Variants in PTCHD4 observed in about 807,000 individuals in gnomAD.
The protein encoded by PTCHD4 is patched domain containing 4.
PTCHD4 carries 33 observed loss-of-function variants against 58.1 expected under a neutral mutation model. The ratio of observed to expected loss-of-function variants is 0.57; its 90% confidence interval spans 0.43 to 0.76. The LOEUF is 0.76. Among genes scored for constraint, PTCHD4 ranks in the 30% least tolerant of loss-of-function variants. The probability of loss-of-function intolerance (pLI) is 0.00; values close to 1 mark genes in which losing one functional copy is unlikely to be tolerated. For synonymous variants in PTCHD4, 478 were observed against 409.6 expected (o/e 1.17, Z -2.02); for missense variants, 1,058 against 1,027.1 (o/e 1.03, Z -0.41).
Position 47,878,347 on chromosome 6 carries a change from A to G in PTCHD4, c.2488T>C (p.Cys830Arg). The stretch of plus-strand genomic sequence containing the variant: ...TCCGGGTTCTCTTGAATTTCTATGC[A>G]TTCAATTTCCTCTCTCTCCTTTCGC... The part of the protein sequence containing the change: ...AKRKEREEIE[C>R]IEIQENPDHV... The change falls in exon 5 of 5, where the codon TGC becomes CGC. Residue 830 changes from cysteine (C) to arginine (R), a missense_variant. Physicochemically the swap from Cys to Arg is radical, Grantham distance 180. Transcript: ENST00000339488. 1 of 1,608,850 alleles carries G rather than the reference A, an allele frequency of 6.2e-7. No individual in the cohort carries two copies. The highest frequency in any genetic ancestry group is 8.5e-7 in the Non-Finnish European group (1 of 1,177,600).
intron 1 of PTCHD4, among the ~76,000 whole-genome samples, chr6:48,081,548 A>G (rs942774298): frequency 2.0e-5 from 3 of 152,194 alleles, no homozygotes; most frequent in Admixed American, 2.0e-4. Flanking sequence ...AATAACAAAT[A>G]TATTTATTCA....
At position 48,101,216 on chromosome 6, in the gene PTCHD4, TA is replaced by T. The variant is rs754276721; in HGVS notation, c.-970+9832del. Among the ~76,000 whole-genome samples the T allele has an allele frequency of 2.6e-5, 4 of 152,274 alleles. No homozygotes were observed. The East Asian group carries it at 7.7e-4, about 29-fold the overall frequency. ...AAAAAATATCTAGTAAAATTTATTT[TA>T]AAAATGGCTGTGGCAACAGTGATAT... On this transcript the variant is annotated intron_variant, in intron 1 of 4. Coordinates refer to ENST00000339488, the MANE Select transcript of PTCHD4 (RefSeq NM_001384253.1).
intron 4 of PTCHD4, among the ~76,000 whole-genome samples, chr6:47,928,241 A>G (rs1440756878): frequency 5.3e-5 from 8 of 152,216 alleles, no homozygotes; most frequent in Non-Finnish European, 8.8e-5. Context: ...TTTTGAAAGG[A>G]GCATCCCTTA....
At chr6:47,931,819 T>C (rs1229392676) in intron 4 of PTCHD4, among the ~76,000 whole-genome samples, 3 of 152,140 alleles carry the variant, frequency 2.0e-5, no homozygotes, top group South Asian at 4.2e-4. Context: ...GGCCACGAAG[T>C]TTTCCTAGAC....
At chr6:47,967,698 T>G (rs889703072) in intron 4 of PTCHD4, among the ~76,000 whole-genome samples, 1 of 152,220 alleles carries the variant, frequency 6.6e-6, no homozygotes, top group African/African-American at 2.4e-5. Flanking sequence ...TACCAGCACT[T>G]ATTGCTTCAT....
At chr6:47,901,524 G>T in intron 4 of PTCHD4, 7 of 989,770 alleles carry the variant, frequency 7.1e-6, no homozygotes, top group Non-Finnish European at 8.4e-6. Flanking sequence ...TATATGATTG[G>T]AATCAATTTA....
intron 4 of PTCHD4, among the ~76,000 whole-genome samples, chr6:47,968,292 A>C (rs1767373811): frequency 6.6e-6 from 1 of 152,212 alleles, no homozygotes; most frequent in Non-Finnish European, 1.5e-5. Context: ...TTGATGTCTT[A>C]CATGGGTGTG....
intron 4 of PTCHD4, among the ~76,000 whole-genome samples, chr6:47,949,962 G>T (rs887903045): frequency 6.6e-6 from 1 of 151,796 alleles, no homozygotes; most frequent in African/African-American, 2.4e-5. Flanking sequence ...CATGTGCCAT[G>T]TTGGTGTGCT....
chr6:47,963,193 T>C (rs191651620), intron 4 of PTCHD4, among the ~76,000 whole-genome samples: 4 of 151,914 alleles, frequency 2.6e-5, no homozygotes, highest in Admixed American at 6.6e-5. Context: ...TAAGATTAAA[T>C]AGACATTCCT....
intron 1 of PTCHD4, among the ~76,000 whole-genome samples, chr6:48,077,061 T>G (rs1255084754): frequency 6.6e-6 from 1 of 152,234 alleles, no homozygotes; most frequent in Non-Finnish European, 1.5e-5. Flanking sequence ...TTAGTCTGCT[T>G]TAACAAGTGA....
At chr6:48,099,827 AAC>A (rs1765560420) in intron 1 of PTCHD4, among the ~76,000 whole-genome samples, 1 of 152,224 alleles carries the variant, frequency 6.6e-6, no homozygotes, top group African/African-American at 2.4e-5. Context: ...AGATTTAATG[AAC>A]ACCAGAATTT....
intron 4 of PTCHD4, among the ~76,000 whole-genome samples, chr6:47,917,412 T>G (rs1397889539): frequency 6.6e-6 from 1 of 152,096 alleles, no homozygotes; most frequent in Admixed American, 6.6e-5. Context: ...ATCAGCGAAA[T>G]GGACAATGGC....
At chr6:47,959,879 AG>A (rs921538348) in intron 4 of PTCHD4, among the ~76,000 whole-genome samples, 1 of 151,296 alleles carries the variant, frequency 6.6e-6, no homozygotes, top group Non-Finnish European at 1.5e-5. Context: ...AAAAAAAAAA[AG>A]ATGAAAATAT....
At position 47,865,960 on chromosome 6, in the gene PTCHD4, C is replaced by A. The variant is rs1430799497; in HGVS notation, c.*12343G>T. Among the ~76,000 whole-genome samples, 2 of 151,918 alleles carry A rather than the reference C, an allele frequency of 1.3e-5. No homozygotes were observed. The highest frequency in any genetic ancestry group is 6.6e-5 in the Admixed American group (1 of 15,234). ...CGTTGACCCAGGAACATATTCTGTG[C>A]TTTTGTTGCATGTTATGGCTTTGCT... On this transcript the variant is annotated 3_prime_UTR_variant, in exon 5 of 5. Coordinates refer to ENST00000339488, the MANE Select transcript of PTCHD4 (RefSeq NM_001384253.1).
intron 1 of PTCHD4, among the ~76,000 whole-genome samples, chr6:48,087,883 T>C (rs1473779458): frequency 6.6e-6 from 1 of 152,212 alleles, no homozygotes; most frequent in Admixed American, 6.5e-5. Context: ...GGAACAATTA[T>C]ATGGTGGTCC....
intron 4 of PTCHD4, among the ~76,000 whole-genome samples, chr6:47,913,830 C>CA (rs1330389923): frequency 3.3e-5 from 5 of 152,218 alleles, no homozygotes; most frequent in African/African-American, 1.2e-4. Context: ...TCTAATGCCC[C>CA]TTCTCTAAAC....
intron 1 of PTCHD4, among the ~76,000 whole-genome samples, chr6:48,110,792 AAT>A (rs368749348): frequency 9.9e-4 from 142 of 142,804 alleles, no homozygotes; most frequent in East Asian, 1.8e-3. Flanking sequence ...TATATATATA[AAT>A]ATATATATAT....
chr6:48,092,888 G>C (rs571662241), intron 1 of PTCHD4, among the ~76,000 whole-genome samples: 9 of 152,276 alleles, frequency 5.9e-5, no homozygotes, highest in Non-Finnish European at 1.0e-4. Flanking sequence ...AGTATATCAT[G>C]TTATCATGTA....
chr6:48,070,840 G>T (rs76340517), intron 1 of PTCHD4, among the ~76,000 whole-genome samples: 31,624 of 152,096 alleles, frequency 0.21, 3,266 homozygotes, highest in African/African-American at 0.24. Flanking sequence ...TGATGGGAAA[G>T]TTTTGGCTAT....
Sources: gnomAD v4.1 joint callset for allele counts (sites outside exome capture counted in the v4.1 genomes callset) on GRCh38, gnomAD v4.1.1 for gene constraint, MANE v1.5 for transcripts, NCBI Gene and HGNC (gene_info 2026-07-23, HGNC 2026-07-21) for gene names.